The following TRIM60 variants were observed in gnomAD, a reference collection of about 807,000 sequenced individuals.
The protein encoded by TRIM60 is tripartite motif-containing protein 60.
For missense variants in TRIM60, 524 were observed against 540.8 expected (o/e 0.97, Z 0.31); for synonymous variants, 189 against 195.2 (o/e 0.97, Z 0.27).
intron 1 of TRIM60, among the ~76,000 whole-genome samples, chr4:165,035,825 C>T (rs561956073): frequency 7.2e-5 from 11 of 151,910 alleles, no homozygotes; most frequent in Admixed American, 2.0e-4. Context: ...TGGGTTCAAG[C>T]GATTTTCCTG....
At chr4:165,033,689 A>G (rs1733556747) in intron 1 of TRIM60, among the ~76,000 whole-genome samples, 1 of 152,252 alleles carries the variant, frequency 6.6e-6, no homozygotes, top group South Asian at 2.1e-4. Flanking sequence ...TTTAATCAGT[A>G]CTGTACTATT....
chr4:165,038,794 C>T (rs1049268421), intron 1 of TRIM60, among the ~76,000 whole-genome samples: 4 of 151,754 alleles, frequency 2.6e-5, no homozygotes, highest in Admixed American at 2.0e-4. Context: ...ATATTATAGG[C>T]CAGGTGCGGT....
intron 1 of TRIM60, among the ~76,000 whole-genome samples, chr4:165,036,260 C>G (rs1055434089): frequency 5.3e-5 from 8 of 151,884 alleles, no homozygotes; most frequent in African/African-American, 1.7e-4. Flanking sequence ...ATGCTTTCAG[C>G]TTTCTGAAAT....
rs1174109820 is a variant in TRIM60 at position 165,040,204 on chromosome 4, G to A, written c.132G>A (p.Trp44Ter). The A allele has an allele frequency of 6.2e-7, 1 of 1,614,046 alleles. No individual in the cohort carries two copies. The highest frequency in any genetic ancestry group is 1.7e-5 in the Admixed American group (1 of 59,998). ...GTCGCTCCTGCCTCAGTGTATCCTG[G>A]AAGGATCTAGATGATACCTTTCCCT... is the stretch of plus-strand genomic sequence containing the variant. ...NFCRSCLSVS[W>*]KDLDDTFPCP... The change falls in exon 3 of 3, where the codon TGG (tryptophan) becomes TGA (stop). Residue 44 changes from tryptophan to a stop codon, truncating the protein, a stop_gained. Coordinates refer to ENST00000512596, the MANE Select transcript of TRIM60 (RefSeq NM_152620.3). LOFTEE classifies it low-confidence loss of function (END_TRUNC).
chr4:165,041,256 G>C lies in TRIM60; in HGVS notation c.1184G>C (p.Gly395Ala). ...GCAATTGGGCGATACATGAAGAGTGGTTATGTTGCGTCAGGTCCTAAGACA... is the reference window on the plus strand; with the variant it reads ...GCAATTGGGCGATACATGAAGAGTGCTTATGTTGCGTCAGGTCCTAAGACA... ...FWAIGRYMKS[G>A]YVASGPKTTQ... The change falls in exon 3 of 3, where the codon GGT (glycine) becomes GCT (alanine). Residue 395 changes from glycine to alanine, a missense_variant. Transcript: ENST00000512596. 3 of 1,614,180 alleles carry C rather than the reference G, an allele frequency of 1.9e-6. No individual in the cohort carries two copies. The highest frequency in any genetic ancestry group is 1.3e-5 in the African/African-American group (1 of 75,036).
chr4:165,034,970 G>T (rs1184100413), intron 1 of TRIM60, among the ~76,000 whole-genome samples: 1 of 152,154 alleles, frequency 6.6e-6, no homozygotes, highest in East Asian at 1.9e-4. Flanking sequence ...AATTTTATAA[G>T]ATTTTGTAAT....
At chr4:165,037,144 T>A (rs1385876813) in intron 1 of TRIM60, among the ~76,000 whole-genome samples, 2 of 151,512 alleles carry the variant, frequency 1.3e-5, no homozygotes, top group African/African-American at 2.4e-5. Flanking sequence ...GAGGTTGCAG[T>A]GAGCCGAGAC....
rs372627851 is a variant in TRIM60, at chr4:165,039,708, G to C, written c.-4-361G>C. The C allele has an allele frequency of 1.4e-4, 22 of 155,802 alleles. No homozygotes were observed. In the East Asian group the frequency reaches 2.7e-3, roughly 19 times the overall value. 9.7% of individuals were successfully genotyped at this position (155,802 alleles called of 1,614,324 possible). A position where few individuals can be genotyped will look rare whatever the true frequency, so the allele number is the denominator to read the frequency against. Reference sequence around the variant, plus strand: ...AGCTACTCGGGAGGCTGAGGCAGGAGAATGGCGTGAACCCGGGAAGCGGAG... The same window carrying C: ...AGCTACTCGGGAGGCTGAGGCAGGACAATGGCGTGAACCCGGGAAGCGGAG... On this transcript the variant is annotated intron_variant, in intron 2 of 2. Coordinates refer to ENST00000512596, the MANE Select transcript of TRIM60 (RefSeq NM_152620.3).
chr4:165,037,419 G>A (rs1420148882), intron 1 of TRIM60, among the ~76,000 whole-genome samples: 1 of 151,784 alleles, frequency 6.6e-6, no homozygotes, highest in African/African-American at 2.4e-5. Context: ...TGCCTCCCGG[G>A]TTCAAGCAAT....
chr4:165,035,115 A>G (rs946067375), intron 1 of TRIM60, among the ~76,000 whole-genome samples: 6 of 152,172 alleles, frequency 3.9e-5, no homozygotes, highest in Non-Finnish European at 7.3e-5. Flanking sequence ...CCCAGACTGG[A>G]GTATAATGGC....
chr4:165,041,288 C>T lies in TRIM60; in HGVS notation c.1216C>T (p.Leu406Phe), dbSNP rs768027624. The change falls in exon 3 of 3, where the codon CTT becomes TTT. Residue 406 changes from leucine (L) to phenylalanine (F), a missense_variant. By Grantham distance (22) the Leu-to-Phe change is conservative. Transcript: ENST00000512596. ...YVASGPKTTQ[L>F]LPVVKPSKIG... ...TGCGTCAGGTCCTAAGACAACCCAG[C>T]TTCTGCCAGTAGTAAAACCCAGTAA... The T allele has an allele frequency of 1.2e-6, 2 of 1,614,056 alleles. No individual in the cohort carries two copies. Among genetic ancestry groups the T allele is most frequent in the African/African-American group, 1.3e-5 (1 of 74,918 alleles).
Position 165,040,119 on chromosome 4 carries a change from G to C in TRIM60, c.47G>C (p.Cys16Ser). Residue 16 changes from cysteine (C) to serine (S), a missense_variant, in exon 3 of 3, where the codon TGT becomes TCT. Transcript: ENST00000512596. Reference sequence around the variant, plus strand: ...GTGAACCTCCAAGAGGAGTCTAGCTGTCCCATCTGTCTGGAGTACTTGAAA... The same window carrying C: ...GTGAACCTCCAAGAGGAGTCTAGCTCTCCCATCTGTCTGGAGTACTTGAAA... ...ALVNLQEESSCPICLEYLKDP... is the reference protein window; with the variant it reads ...ALVNLQEESSSPICLEYLKDP... 1 of 1,613,628 alleles carries C rather than the reference G, an allele frequency of 6.2e-7. No individual in the cohort carries two copies.
At position 165,037,031 on chromosome 4, in the gene TRIM60, C is replaced by T. The variant is rs187966701; in HGVS notation, c.-56-2170C>T. ...CAGCCTGGCCAACATGGTGAGACCCCATCTCTACTAAAAATACAAAAATTA... is the reference window on the plus strand; with the variant it reads ...CAGCCTGGCCAACATGGTGAGACCCTATCTCTACTAAAAATACAAAAATTA... On this transcript the variant is annotated intron_variant, in intron 1 of 2. Transcript: ENST00000512596. Among the ~76,000 whole-genome samples, 142 of 151,758 alleles carry T rather than the reference C, an allele frequency of 9.4e-4. 1 individual carries two copies. The East Asian group carries it at 0.014, about 15-fold the overall frequency.
At chr4:165,034,070 T>C (rs1459693182) in intron 1 of TRIM60, among the ~76,000 whole-genome samples, 1 of 152,108 alleles carries the variant, frequency 6.6e-6, no homozygotes, top group Non-Finnish European at 1.5e-5. Context: ...TAGGGGAAGC[T>C]GGAGTGTGTG....
At chr4:165,035,947 T>A (rs1484692734) in intron 1 of TRIM60, among the ~76,000 whole-genome samples, 3 of 152,162 alleles carry the variant, frequency 2.0e-5, no homozygotes, top group Non-Finnish European at 1.5e-5. Flanking sequence ...GGTCTTGAAC[T>A]CCTGACCTCA....
In TRIM60 at chr4:165,040,086, C is replaced by T. The variant is rs1047742766; in HGVS notation, c.14C>T (p.Thr5Ile). 6.2e-7 allele frequency: 1 copy of T among 1,611,984 alleles called. No individual in the cohort carries two copies. The highest frequency in any genetic ancestry group is 8.5e-7 in the Non-Finnish European group (1 of 1,179,700). The change falls in exon 3 of 3, where the codon ACA (threonine) becomes ATA (isoleucine). Residue 5 changes from threonine to isoleucine, a missense_variant. Transcript: ENST00000512596. MEFV[T>I]ALVNLQEESS... is the part of the protein sequence containing the mutation. The stretch of plus-strand genomic sequence containing the variant: ...GTTCGCAGCTCGATGGAGTTTGTGA[C>T]AGCCCTGGTGAACCTCCAAGAGGAG...
chr4:165,041,247 TG>T lies in TRIM60; in HGVS notation c.1176del (p.Met392IlefsTer18). On this transcript the variant is annotated frameshift_variant, in exon 3 of 3. Transcript: ENST00000512596. LOFTEE classifies it low-confidence loss of function (END_TRUNC). ...LGGFWAIGRY[M>X]KSGYVASGPK... Reference sequence around the variant, plus strand: ...GGATTCTGGGCAATTGGGCGATACATGAAGAGTGGTTATGTTGCGTCAGGTC... The same window carrying T: ...GGATTCTGGGCAATTGGGCGATACATAAGAGTGGTTATGTTGCGTCAGGTC... The T allele has an allele frequency of 6.2e-7, 1 of 1,614,166 alleles. No individual in the cohort carries two copies. The highest frequency in any genetic ancestry group is 8.5e-7 in the Non-Finnish European group (1 of 1,180,030).
Position 165,040,872 on chromosome 4 carries a change from T to C in TRIM60, c.800T>C (p.Leu267Pro). 1 of 1,612,766 alleles carries C rather than the reference T, an allele frequency of 6.2e-7. No individual in the cohort carries two copies. Among genetic ancestry groups the C allele is most frequent in the Non-Finnish European group, 8.5e-7 (1 of 1,179,360 alleles). ...TATCAAAACCTAAAATGCCCTGAAC[T>C]CTTTTCATTTAGATTAACAAAATAT... ...HKYQNLKCPELFSFRLTKYGF... is the reference protein window; with the variant it reads ...HKYQNLKCPEPFSFRLTKYGF... The change falls in exon 3 of 3, where the codon CTC becomes CCC. Residue 267 changes from leucine to proline, a missense_variant. Transcript: ENST00000512596.
At position 165,041,042 on chromosome 4, in the gene TRIM60, C is replaced by T. The variant is rs745816410; in HGVS notation, c.970C>T (p.Arg324Ter). 4.0e-5 allele frequency: 64 copies of T among 1,613,796 alleles called. No homozygotes were observed. The highest frequency in any genetic ancestry group is 5.2e-5 in the Non-Finnish European group (61 of 1,179,892). ...RKAVRYERKKRNICYDPRRFY... is the reference protein window; with the variant it reads ...RKAVRYERKK ...AGCTGTGCGATATGAAAGAAAAAAACGAAACATTTGTTATGACCCAAGGAG... is the reference window on the plus strand; with the variant it reads ...AGCTGTGCGATATGAAAGAAAAAAATGAAACATTTGTTATGACCCAAGGAG... The change falls in exon 3 of 3, where the codon CGA (arginine) becomes TGA (stop). Residue 324 changes from arginine to a stop codon, truncating the protein, a stop_gained. Coordinates refer to ENST00000512596, the MANE Select transcript of TRIM60 (RefSeq NM_152620.3). LOFTEE classifies it low-confidence loss of function (END_TRUNC).
Sources: allele counts gnomAD v4.1 joint callset (sites outside exome capture counted in the v4.1 genomes callset), GRCh38; gene constraint gnomAD v4.1.1; transcripts MANE v1.5; gene names NCBI Gene and HGNC (gene_info 2026-07-23, HGNC 2026-07-21).